Variants in ABTB3 observed in about 807,000 individuals in gnomAD.
ABTB3 encodes ankyrin repeat and BTB domain containing 3, also known as ankyrin repeat- and BTB/POZ domain-containing protein 3.
chr12:107,373,580 T>C, the ABTB3 span, among the ~76,000 whole-genome samples: 1 of 152,192 alleles, frequency 6.6e-6, no homozygotes, highest in African/African-American at 2.4e-5. Context: ...AGCTGTGATA[T>C]TATGCAGAGG....
the ABTB3 span, chr12:107,581,184 G>T: frequency 1.9e-6 from 3 of 1,540,754 alleles, no homozygotes; most frequent in Non-Finnish European, 2.6e-6. Flanking sequence ...CTGATGGAGT[G>T]GATCCGGGTG....
the ABTB3 span, among the ~76,000 whole-genome samples, chr12:107,619,465 G>A: frequency 5.9e-5 from 9 of 152,288 alleles, no homozygotes; most frequent in African/African-American, 1.9e-4. Context: ...AGCCAGAGCT[G>A]TAAATGGTGA....
the ABTB3 span, among the ~76,000 whole-genome samples, chr12:107,574,538 C>G: frequency 6.6e-6 from 1 of 152,136 alleles, no homozygotes; most frequent in Non-Finnish European, 1.5e-5. Context: ...GCCTGGCCAA[C>G]ATAGTGAAAC....
chr12:107,602,902 T>A, the ABTB3 span, among the ~76,000 whole-genome samples: 1 of 152,152 alleles, frequency 6.6e-6, no homozygotes, highest in Non-Finnish European at 1.5e-5. Context: ...CCTGAAGTGG[T>A]GGAAGATATT....
the ABTB3 span, among the ~76,000 whole-genome samples, chr12:107,495,422 C>T: frequency 6.6e-6 from 1 of 152,210 alleles, no homozygotes; most frequent in Non-Finnish European, 1.5e-5. Context: ...AGGCCAGTCC[C>T]AGCTGGAGGG....
chr12:107,386,467 A>G, the ABTB3 span, among the ~76,000 whole-genome samples: 2 of 152,248 alleles, frequency 1.3e-5, no homozygotes, highest in Admixed American at 6.5e-5. Context: ...GACTCTTCAA[A>G]TGAGATTACG....
the ABTB3 span, among the ~76,000 whole-genome samples, chr12:107,500,651 C>T: frequency 2.8e-4 from 42 of 152,332 alleles, no homozygotes; most frequent in African/African-American, 9.4e-4. Flanking sequence ...ACTGTGTAAA[C>T]CAGGGGTCTT....
At chr12:107,396,494 G>A in the ABTB3 span, among the ~76,000 whole-genome samples, 1 of 152,172 alleles carries the variant, frequency 6.6e-6, no homozygotes, top group Non-Finnish European at 1.5e-5. Flanking sequence ...CCAGCAGCCT[G>A]TGCTGATCTC....
the ABTB3 span, among the ~76,000 whole-genome samples, chr12:107,603,907 T>C: frequency 7.9e-5 from 12 of 152,190 alleles, no homozygotes; most frequent in Admixed American, 3.9e-4. Context: ...TGGTGGCTCA[T>C]GCCTGTAATC....
chr12:107,560,984 G>A, the ABTB3 span, among the ~76,000 whole-genome samples: 1 of 152,222 alleles, frequency 6.6e-6, no homozygotes, highest in Non-Finnish European at 1.5e-5. Context: ...TCAAACTAGA[G>A]TGAGGAATTC....
the ABTB3 span, among the ~76,000 whole-genome samples, chr12:107,395,073 C>T: frequency 6.6e-6 from 1 of 152,368 alleles, no homozygotes; most frequent in South Asian, 2.1e-4. Context: ...TGCTCACCCT[C>T]ATCAGCAAGT....
At chr12:107,529,525 T>C in the ABTB3 span, among the ~76,000 whole-genome samples, 202 of 152,336 alleles carry the variant, frequency 1.3e-3, 1 homozygote, top group African/African-American at 4.5e-3. Flanking sequence ...TGAATTCTTA[T>C]TAAGTGCTTA....
At chr12:107,381,279 T>C in the ABTB3 span, among the ~76,000 whole-genome samples, 1 of 152,236 alleles carries the variant, frequency 6.6e-6, no homozygotes. Flanking sequence ...CAGGGGCATG[T>C]GCTAAATACT....
the ABTB3 span, chr12:107,612,732 A>G: frequency 6.5e-7 from 1 of 1,527,974 alleles, no homozygotes; most frequent in South Asian, 1.2e-5. Context: ...GATTGACCAC[A>G]GCCACCTTGT....
chr12:107,326,013 C>T, the ABTB3 span, among the ~76,000 whole-genome samples: 1 of 152,196 alleles, frequency 6.6e-6, no homozygotes, highest in Non-Finnish European at 1.5e-5. Context: ...TCAAGATATT[C>T]TCCTGCCTCA....
At chr12:107,499,214 A>T in the ABTB3 span, among the ~76,000 whole-genome samples, 1 of 152,136 alleles carries the variant, frequency 6.6e-6, no homozygotes, top group Non-Finnish European at 1.5e-5. Context: ...ACTGGTTCTA[A>T]ATAACACAGT....
chr12:107,346,431 C>T, the ABTB3 span, among the ~76,000 whole-genome samples: 2 of 152,108 alleles, frequency 1.3e-5, no homozygotes, highest in East Asian at 3.8e-4. Flanking sequence ...AATACCATCA[C>T]ATAACAGGAA....
At chr12:107,442,429 G>A in the ABTB3 span, among the ~76,000 whole-genome samples, 10 of 152,032 alleles carry the variant, frequency 6.6e-5, no homozygotes, top group East Asian at 3.9e-4. Context: ...ACATTTTTTC[G>A]TTTGTTTAAT....
At chr12:107,621,010 G>C in the ABTB3 span, among the ~76,000 whole-genome samples, 1 of 152,138 alleles carries the variant, frequency 6.6e-6, no homozygotes, top group Non-Finnish European at 1.5e-5. Context: ...GGGCAGTGTG[G>C]GTCCCCCTGC....
Sources: allele counts gnomAD v4.1 joint callset (sites outside exome capture counted in the v4.1 genomes callset), GRCh38; gene constraint gnomAD v4.1.1; transcripts MANE v1.5; gene names NCBI Gene and HGNC (gene_info 2026-07-23, HGNC 2026-07-21).